The following ENOX1 variants were observed in gnomAD, a reference collection of about 807,000 sequenced individuals.
The protein encoded by ENOX1 is ecto-NOX disulfide-thiol exchanger 1, also known as candidate growth-related and time keeping constitutive hydroquinone (NADH) oxidase.
Under a neutral mutation model 82.5 loss-of-function variants are expected in ENOX1, and 42 were observed. The observed-to-expected ratio is 0.51, with a 90% CI of 0.40 to 0.66. The LOEUF (loss-of-function observed/expected upper bound fraction) is 0.66, where lower values mean the gene tolerates loss of function less well. Among genes scored for constraint, ENOX1 ranks in the 30% least tolerant of loss-of-function variants. ENOX1 has a pLI of 0.00. For missense variants in ENOX1, 608 were observed against 811.6 expected (o/e 0.75, Z 3.05); for synonymous variants, 271 against 282.2 (o/e 0.96, Z 0.40).
chr13:43,580,649 T>C (rs1406924090), intron 2 of ENOX1, among the ~76,000 whole-genome samples: 1 of 152,348 alleles, frequency 6.6e-6, no homozygotes, highest in South Asian at 2.1e-4. Flanking sequence ...CAAATTCTGA[T>C]GAGCTAGCCA....
intron 2 of ENOX1, among the ~76,000 whole-genome samples, chr13:43,552,736 C>T (rs1363930083): frequency 6.6e-6 from 1 of 152,146 alleles, no homozygotes; most frequent in East Asian, 1.9e-4. Context: ...AAAAGAACTA[C>T]CTAACCTTGT....
intron 2 of ENOX1, among the ~76,000 whole-genome samples, chr13:43,612,324 C>T (rs1429461350): frequency 1.3e-5 from 2 of 152,116 alleles, no homozygotes; most frequent in African/African-American, 2.4e-5. Context: ...AATACAGATG[C>T]CCCCTGTATG....
chr13:43,542,250 A>G (rs2078766748), intron 2 of ENOX1, among the ~76,000 whole-genome samples: 1 of 151,530 alleles, frequency 6.6e-6, no homozygotes, highest in Admixed American at 6.6e-5. Flanking sequence ...AGCTATTCTC[A>G]GGCCTCAGCC....
In ENOX1 at chr13:43,213,544, C is replaced by CTTTTTTTTTTTTTTTTTTT. The variant is rs3043205; in HGVS notation, c.*427_*445dup. The CTTTTTTTTTTTTTTTTTTT allele has an allele frequency of 2.3e-4, 19 of 83,984 alleles. No individual in the cohort carries two copies. The highest frequency in any genetic ancestry group is 4.2e-4 in the East Asian group (1 of 2,394). 5.2% of individuals were successfully genotyped at this position (83,984 alleles called of 1,614,324 possible). A position where few individuals can be genotyped will look rare whatever the true frequency, so the allele number is the denominator to read the frequency against. ...TTTTTCTTTTTTTCTTTTTCTTTTT[C>CTTTTTTTTTTTTTTTTTTT]TTTTTTTTTTTTTTTTTTTTTTTAC... On this transcript the variant is annotated 3_prime_UTR_variant, in exon 17 of 17. Coordinates refer to ENST00000690772, the MANE Select transcript of ENOX1 (RefSeq NM_001347969.2).
chr13:43,357,592 C>G (rs9567160), intron 7 of ENOX1, among the ~76,000 whole-genome samples: 19,746 of 152,148 alleles, frequency 0.13, 2,145 homozygotes, highest in African/African-American at 0.29. Flanking sequence ...CACAGTGATA[C>G]ACGCATAACA....
chr13:43,321,814 G>C (rs913306156), intron 11 of ENOX1, among the ~76,000 whole-genome samples: 1 of 152,212 alleles, frequency 6.6e-6, no homozygotes, highest in African/African-American at 2.4e-5. Flanking sequence ...AATTCAATGA[G>C]AGCGTTTTAA....
intron 12 of ENOX1, among the ~76,000 whole-genome samples, chr13:43,281,737 T>G (rs1333716696): frequency 6.6e-6 from 1 of 152,170 alleles, no homozygotes; most frequent in African/African-American, 2.4e-5. Flanking sequence ...TATGGGTATT[T>G]AAGTTTTCAC....
intron 2 of ENOX1, among the ~76,000 whole-genome samples, chr13:43,620,038 G>C (rs953038978): frequency 1.3e-5 from 2 of 152,124 alleles, no homozygotes; most frequent in African/African-American, 4.8e-5. Context: ...GTTTATGTGT[G>C]TAAAGGTGTT....
At chr13:43,738,704 AT>A (rs1468414602) in intron 1 of ENOX1, among the ~76,000 whole-genome samples, 6 of 139,028 alleles carry the variant, frequency 4.3e-5, no homozygotes, top group Non-Finnish European at 1.5e-5. Flanking sequence ...ATATTTGATT[AT>A]AGTAATATAT....
intron 2 of ENOX1, among the ~76,000 whole-genome samples, chr13:43,536,035 G>A (rs1447294397): frequency 1.3e-5 from 2 of 151,904 alleles, no homozygotes; most frequent in East Asian, 3.9e-4. Flanking sequence ...GTTCTGTCTT[G>A]CACCGTTCTA....
At chr13:43,215,332 A>G (rs1158458509) in intron 16 of ENOX1, among the ~76,000 whole-genome samples, 2 of 152,246 alleles carry the variant, frequency 1.3e-5, no homozygotes, top group Non-Finnish European at 2.9e-5. Flanking sequence ...ATTGTATTCT[A>G]AAATTTTTGG....
chr13:43,262,945 AC>A (rs1388044382), intron 14 of ENOX1, among the ~76,000 whole-genome samples: 1 of 152,134 alleles, frequency 6.6e-6, no homozygotes, highest in Non-Finnish European at 1.5e-5. Context: ...ATGGATTCAA[AC>A]CCTCTCAGTC....
chr13:43,674,797 G>C (rs562115780), intron 1 of ENOX1, among the ~76,000 whole-genome samples: 3 of 152,276 alleles, frequency 2.0e-5, no homozygotes, highest in African/African-American at 7.2e-5. Context: ...GCAGTCTGTT[G>C]GGGGATGCTG....
chr13:43,567,355 T>C (rs2079966011), intron 2 of ENOX1, among the ~76,000 whole-genome samples: 1 of 152,162 alleles, frequency 6.6e-6, no homozygotes, highest in African/African-American at 2.4e-5. Flanking sequence ...ACCTATATTA[T>C]TATTTTTAAA....
chr13:43,231,115 C>A (rs1056332522), intron 15 of ENOX1, among the ~76,000 whole-genome samples: 4 of 152,198 alleles, frequency 2.6e-5, no homozygotes, highest in African/African-American at 9.7e-5. Flanking sequence ...TTCCAGAGAC[C>A]TTGGCTCTGC....
intron 16 of ENOX1, among the ~76,000 whole-genome samples, chr13:43,216,840 G>A (rs527568748): frequency 1.7e-4 from 26 of 152,286 alleles, no homozygotes; most frequent in African/African-American, 6.0e-4. Flanking sequence ...TAAATATAAC[G>A]TGTAGGAGGC....
intron 1 of ENOX1, among the ~76,000 whole-genome samples, chr13:43,684,410 T>A (rs1387153786): frequency 6.6e-6 from 1 of 152,158 alleles, no homozygotes; most frequent in Non-Finnish European, 1.5e-5. Context: ...AGGAAGGTTT[T>A]AAATTAAGTA....
At chr13:43,336,278 AG>A (rs2048705911) in intron 9 of ENOX1, among the ~76,000 whole-genome samples, 1 of 152,254 alleles carries the variant, frequency 6.6e-6, no homozygotes, top group South Asian at 2.1e-4. Context: ...TCTGCCTAAA[AG>A]GGGGATCACA....
intron 5 of ENOX1, 46 bp downstream of exon 5, chr13:43,411,870 C>T (rs1450989850): frequency 6.2e-7 from 1 of 1,609,622 alleles, no homozygotes; most frequent in Non-Finnish European, 8.5e-7. Context: ...TCACCTACAC[C>T]CTTCGGCACT....
Sources: gnomAD v4.1 joint callset for allele counts (sites outside exome capture counted in the v4.1 genomes callset) on GRCh38, gnomAD v4.1.1 for gene constraint, MANE v1.5 for transcripts, NCBI Gene and HGNC (gene_info 2026-07-23, HGNC 2026-07-21) for gene names.